The following MAN1A2 variants were observed in gnomAD, a reference collection of about 807,000 sequenced individuals.
The protein encoded by MAN1A2 is mannosyl-oligosaccharide 1,2-alpha-mannosidase IB.
A neutral mutation model predicts 75.7 loss-of-function variants in MAN1A2; 26 were observed. That is an observed-to-expected ratio of 0.34 (90% confidence interval 0.25 to 0.48). The LOEUF is 0.48. Among genes scored for constraint, MAN1A2 ranks in the 20% least tolerant of loss-of-function variants. MAN1A2 has a pLI of 0.99. For missense variants in MAN1A2, 562 were observed against 775.5 expected (o/e 0.72, Z 3.27); for synonymous variants, 247 against 264.6 (o/e 0.93, Z 0.65).
At chr1:117,435,910 T>C (rs898037673) in intron 5 of MAN1A2, among the ~76,000 whole-genome samples, 2 of 151,996 alleles carry the variant, frequency 1.3e-5, no homozygotes, top group Non-Finnish European at 2.9e-5. Context: ...ATATAAAAAT[T>C]AGCTAGGCGT....
chr1:117,512,750 T>TACACACACACACACACACACAC lies in MAN1A2; in HGVS notation c.1793+9793_1793+9814dup, dbSNP rs3050979. Among the ~76,000 whole-genome samples, 942 of 143,800 alleles carry TACACACACACACACACACACAC rather than the reference T, an allele frequency of 6.6e-3. 17 individuals carry two copies. The highest frequency in any genetic ancestry group is 0.033 in the Admixed American group (463 of 14,162). 94.3% of individuals were successfully genotyped at this position (143,800 alleles called of 152,430 possible). ...GCAATCTAAATATTAGGCACTGGGA[T>TACACACACACACACACACACAC]ACACACACACACACACACACACACA... On this transcript the variant is annotated intron_variant, in intron 12 of 12. Coordinates refer to ENST00000356554, the MANE Select transcript of MAN1A2 (RefSeq NM_006699.5).
At chr1:117,512,451 C>G (rs1322996231) in intron 12 of MAN1A2, among the ~76,000 whole-genome samples, 1 of 151,962 alleles carries the variant, frequency 6.6e-6, no homozygotes, top group Non-Finnish European at 1.5e-5. Flanking sequence ...TAAGAATTTG[C>G]GTTTTTAACA....
chr1:117,429,278 C>T (rs1019384932), intron 5 of MAN1A2, among the ~76,000 whole-genome samples: 41 of 141,776 alleles, frequency 2.9e-4, no homozygotes, highest in Non-Finnish European at 5.7e-4. Context: ...TCCACAAAGC[C>T]GCCATTGTCA....
At chr1:117,506,315 A>G (rs7531715) in intron 12 of MAN1A2, among the ~76,000 whole-genome samples, 17,055 of 151,456 alleles carry the variant, frequency 0.11, 1,051 homozygotes, top group Non-Finnish European at 0.14. Context: ...GGCAAAGTTA[A>G]ATGAAAAAAC....
At chr1:117,501,570 C>A (rs1182798538) in intron 11 of MAN1A2, among the ~76,000 whole-genome samples, 2 of 151,722 alleles carry the variant, frequency 1.3e-5, no homozygotes, top group Non-Finnish European at 2.9e-5. Context: ...TCTTATTATT[C>A]TTAAACCATT....
At chr1:117,383,024 T>C (rs1243055146) in intron 1 of MAN1A2, among the ~76,000 whole-genome samples, 3 of 152,214 alleles carry the variant, frequency 2.0e-5, no homozygotes, top group Non-Finnish European at 4.4e-5. Flanking sequence ...GTCTTTTATT[T>C]CTTTTTCCTG....
chr1:117,372,127 TA>T (rs1553228618), intron 1 of MAN1A2, among the ~76,000 whole-genome samples: 1 of 152,102 alleles, frequency 6.6e-6, no homozygotes, highest in Non-Finnish European at 1.5e-5. Context: ...CATTTTAAAT[TA>T]AAAAAATTAA....
Position 117,422,293 on chromosome 1 carries a change from T to G in MAN1A2, c.855+1644T>G, listed in dbSNP as rs145623819. Among the ~76,000 whole-genome samples, 906 of 152,228 alleles carry G rather than the reference T, an allele frequency of 6.0e-3. 5 individuals are homozygous for G. The highest frequency in any genetic ancestry group is 0.017 in the Middle Eastern group (5 of 294). The stretch of plus-strand genomic sequence containing the variant: ...GGCTTCTTTTACTTAGCATAATGCA[T>G]TTGAGATTTATCCATGTATTAGTAG... On this transcript the variant is annotated intron_variant, in intron 5 of 12. Transcript: ENST00000356554.
intron 8 of MAN1A2, among the ~76,000 whole-genome samples, chr1:117,480,520 C>G (rs545945600): frequency 7.2e-5 from 11 of 151,860 alleles, no homozygotes; most frequent in African/African-American, 2.7e-4. Context: ...ACCCATTACT[C>G]TATTTTAGCC....
intron 11 of MAN1A2, among the ~76,000 whole-genome samples, chr1:117,500,992 G>A (rs955560191): frequency 6.6e-6 from 1 of 151,780 alleles, no homozygotes; most frequent in African/African-American, 2.4e-5. Flanking sequence ...GGAATGAGGG[G>A]GATATGTCTG....
intron 1 of MAN1A2, among the ~76,000 whole-genome samples, chr1:117,392,879 A>G (rs1653771625): frequency 6.6e-6 from 1 of 152,198 alleles, no homozygotes; most frequent in South Asian, 2.1e-4. Context: ...AAGTAATTGG[A>G]TTTGGTATAA....
At chr1:117,458,675 A>G (rs890427369) in intron 6 of MAN1A2, among the ~76,000 whole-genome samples, 1 of 151,446 alleles carries the variant, frequency 6.6e-6, no homozygotes, top group Non-Finnish European at 1.5e-5. Flanking sequence ...GGCGCCTGCC[A>G]CCATGTCCGG....
chr1:117,452,567 C>T (rs1191961421), intron 6 of MAN1A2, among the ~76,000 whole-genome samples: 1 of 152,212 alleles, frequency 6.6e-6, no homozygotes, highest in African/African-American at 2.4e-5. Context: ...CCAGCTACAA[C>T]ATTCTCTTAA....
At chr1:117,513,729 T>C (rs1651620307) in intron 12 of MAN1A2, among the ~76,000 whole-genome samples, 1 of 152,134 alleles carries the variant, frequency 6.6e-6, no homozygotes, top group African/African-American at 2.4e-5. Context: ...GGAGCTAAAA[T>C]TTGTGGCAAC....
At chr1:117,497,068 G>A (rs1278900195) in intron 10 of MAN1A2, 86 bp downstream of exon 10, 3 of 1,066,932 alleles carry the variant, frequency 2.8e-6, no homozygotes, top group African/African-American at 3.4e-5. Flanking sequence ...AGAATATATA[G>A]GCACTTTTTA....
intron 11 of MAN1A2, among the ~76,000 whole-genome samples, chr1:117,501,841 G>A (rs1253043749): frequency 6.6e-6 from 1 of 151,782 alleles, no homozygotes; most frequent in Non-Finnish European, 1.5e-5. Context: ...ATGGCAGACA[G>A]CGATGGTTAG....
rs747773923 is a variant in MAN1A2, at chr1:117,466,423, T to C, written c.1164T>C (p.Gly388=). The C allele has an allele frequency of 3.1e-6, 5 of 1,589,480 alleles. No homozygotes were observed. In the South Asian group the frequency reaches 5.7e-5, roughly 18 times the overall value. The change falls in exon 8 of 13, where the codon GGT becomes GGC. Residue 388 remains glycine (G), a synonymous_variant. Transcript: ENST00000356554. The part of the protein sequence containing the change: ...NYLNPRTGRW[G]QYHTSVGGLG... ...TGAACCCCAGAACAGGGCGCTGGGG[T>C]CAGTGTAAGTATTCTAGTATACCTG...
chr1:117,434,797 AT>A (rs1316867523), intron 5 of MAN1A2, among the ~76,000 whole-genome samples: 2 of 138,268 alleles, frequency 1.4e-5, no homozygotes, highest in African/African-American at 5.3e-5. Context: ...GTGTGTGTGT[AT>A]CCATTCAGTC....
At chr1:117,383,448 A>G (rs1653420334) in intron 1 of MAN1A2, among the ~76,000 whole-genome samples, 1 of 152,196 alleles carries the variant, frequency 6.6e-6, no homozygotes, top group South Asian at 2.1e-4. Flanking sequence ...TAGCTTTGGT[A>G]TCAAGATAAT....
Sources: allele counts gnomAD v4.1 joint callset (sites outside exome capture counted in the v4.1 genomes callset), GRCh38; gene constraint gnomAD v4.1.1; transcripts MANE v1.5; gene names NCBI Gene and HGNC (gene_info 2026-07-23, HGNC 2026-07-21).